PTPRN2: variants seen among roughly 807,000 people sequenced by gnomAD.
The protein encoded by PTPRN2 is receptor-type tyrosine-protein phosphatase N2.
Under a neutral mutation model 118.8 loss-of-function variants are expected in PTPRN2, and 74 were observed. The ratio of observed to expected loss-of-function variants is 0.62; its 90% CI spans 0.52 to 0.76. PTPRN2 has a LOEUF of 0.76. Among genes scored for constraint, PTPRN2 ranks in the 30% least tolerant of loss-of-function variants. PTPRN2 has a pLI of 0.00. For missense variants in PTPRN2, 1,481 were observed against 1,394.4 expected (o/e 1.06, Z -0.99); for synonymous variants, 641 against 608.0 (o/e 1.05, Z -0.80).
chr7:158,316,110 G>A (rs1802301900), intron 3 of PTPRN2, among the ~76,000 whole-genome samples: 1 of 152,228 alleles, frequency 6.6e-6, no homozygotes, highest in South Asian at 2.1e-4. Context: ...AGCCGCCGGG[G>A]GGCAGGTGGT....
At chr7:157,963,821 C>T (rs571526947) in intron 11 of PTPRN2, among the ~76,000 whole-genome samples, 7 of 152,322 alleles carry the variant, frequency 4.6e-5, no homozygotes, top group East Asian at 3.9e-4. Flanking sequence ...GTCCAATGGC[C>T]GGGGTTGCTA....
At chr7:158,007,303 G>A (rs950522661) in intron 11 of PTPRN2, among the ~76,000 whole-genome samples, 1 of 152,204 alleles carries the variant, frequency 6.6e-6, no homozygotes, top group African/African-American at 2.4e-5. Context: ...TGTGGCTGGT[G>A]CTGGGGGTGG....
intron 12 of PTPRN2, among the ~76,000 whole-genome samples, chr7:157,716,672 ACT>A (rs1485775135): frequency 3.1e-5 from 2 of 64,928 alleles, no homozygotes; most frequent in South Asian, 1.1e-3. Context: ...GGCCACGTAG[ACT>A]CTGCGGGAAC....
chr7:157,792,361 C>G (rs1029639007), intron 12 of PTPRN2, among the ~76,000 whole-genome samples: 1 of 152,244 alleles, frequency 6.6e-6, no homozygotes, highest in Non-Finnish European at 1.5e-5. Flanking sequence ...TTCAGCTCCC[C>G]GGGGCCACCT....
chr7:157,827,655 C>G (rs898707930), intron 12 of PTPRN2, among the ~76,000 whole-genome samples: 1 of 152,240 alleles, frequency 6.6e-6, no homozygotes, highest in Admixed American at 6.5e-5. Context: ...TTGGGGGAAC[C>G]CAGTGTGCTC....
chr7:158,136,488 T>G (rs1041461062), intron 8 of PTPRN2, among the ~76,000 whole-genome samples, 167 bp downstream of exon 8: 4 of 152,246 alleles, frequency 2.6e-5, no homozygotes, highest in Admixed American at 2.6e-4. Flanking sequence ...ATACACACTT[T>G]TGTATGTTCT....
chr7:157,954,744 G>C (rs4716513), intron 11 of PTPRN2, among the ~76,000 whole-genome samples: 127,855 of 152,156 alleles, frequency 0.84, 54,083 homozygotes, highest in Non-Finnish European at 0.88. Flanking sequence ...GGGTGGAAGT[G>C]GGGGTGGCCT....
chr7:158,466,761 C>T (rs1188211997), intron 2 of PTPRN2, among the ~76,000 whole-genome samples: 1 of 152,144 alleles, frequency 6.6e-6, no homozygotes, highest in Non-Finnish European at 1.5e-5. Flanking sequence ...TGCAAGTTGG[C>T]CAGGTGCAGT....
chr7:157,612,185 T>C (rs1280670998), intron 15 of PTPRN2, among the ~76,000 whole-genome samples: 1 of 152,182 alleles, frequency 6.6e-6, no homozygotes, highest in Non-Finnish European at 1.5e-5. Context: ...CCTGCAGTTG[T>C]GGAGTGTGGG....
rs144986263 is a variant in PTPRN2 at position 157,875,074 on chromosome 7, C to A, written c.1788+23599G>T. Among the ~76,000 whole-genome samples the A allele has an allele frequency of 4.6e-3, 702 of 152,234 alleles. 7 individuals are homozygous for A. The highest frequency in any genetic ancestry group is 0.016 in the African/African-American group (659 of 41,556). On this transcript the variant is annotated intron_variant, in intron 12 of 22. Transcript: ENST00000389418. ...ACACAGACACACACACACACACGCT[C>A]ACTCACAGGCAAACAGATGCCCTTG...
chr7:157,778,452 GGTGAA>G (rs1367417543), intron 12 of PTPRN2, among the ~76,000 whole-genome samples: 26 of 150,034 alleles, frequency 1.7e-4, no homozygotes, highest in African/African-American at 2.7e-4. Context: ...CATGTACACA[GGTGAA>G]TGAATACAGG....
In PTPRN2 at chr7:157,619,415, A is replaced by T. The variant is rs1803017189; in HGVS notation, c.2344+1947T>A. Reference sequence around the variant, plus strand: ...TCACTTGTCCTACCACACCGGCTTCACTCCCCGCCCTCTCCTCCCCCAGGC... The same window carrying T: ...TCACTTGTCCTACCACACCGGCTTCTCTCCCCGCCCTCTCCTCCCCCAGGC... On this transcript the variant is annotated intron_variant, in intron 15 of 22. Transcript: ENST00000389418. This position sits in a 1 kb window ranked among gnomAD's most constrained non-coding sequence, Gnocchi z 5.3. Among the ~76,000 whole-genome samples, 1 of 150,788 alleles carries T rather than the reference A, an allele frequency of 6.6e-6. No homozygotes were observed. Among genetic ancestry groups the T allele is most frequent in the African/African-American group, 2.4e-5 (1 of 40,924 alleles).
chr7:158,276,900 A>G lies in PTPRN2; in HGVS notation c.277+39919T>C, dbSNP rs538423217. On this transcript the variant is annotated intron_variant, in intron 3 of 22. Transcript: ENST00000389418. ...ACTGTGAGCTGGGGCCGAGGGGGCC[A>G]TATGCTCAGGTGCTGTCTATCAGCT... Among the ~76,000 whole-genome samples, 478 of 152,254 alleles carry G rather than the reference A, an allele frequency of 3.1e-3. 1 individual carries two copies. Among genetic ancestry groups the G allele is most frequent in the Non-Finnish European group, 5.8e-3 (396 of 68,018 alleles).
At chr7:158,470,931 T>G (rs890783015) in intron 2 of PTPRN2, among the ~76,000 whole-genome samples, 4 of 152,040 alleles carry the variant, frequency 2.6e-5, no homozygotes, top group African/African-American at 9.7e-5. Context: ...CCTCCAAGGT[T>G]CAAGCGATTC....
intron 5 of PTPRN2, among the ~76,000 whole-genome samples, chr7:158,182,599 T>C (rs538714977): frequency 8.7e-4 from 132 of 152,300 alleles, no homozygotes; most frequent in African/African-American, 2.9e-3. Context: ...CTGTGTTAGT[T>C]TGTTGAGGAT....
chr7:157,852,899 C>T (rs1043013746), intron 12 of PTPRN2, among the ~76,000 whole-genome samples: 2 of 150,326 alleles, frequency 1.3e-5, no homozygotes, highest in Non-Finnish European at 3.0e-5. Context: ...GCACAGTGGA[C>T]CCTGAAGCGC....
intron 11 of PTPRN2, among the ~76,000 whole-genome samples, chr7:157,923,149 C>A (rs2128771337): frequency 6.6e-6 from 1 of 152,362 alleles, no homozygotes; most frequent in South Asian, 2.1e-4. Context: ...TTTATCCCAA[C>A]ACCCTACACT....
At chr7:158,545,501 C>T (rs1826225902) in intron 1 of PTPRN2, among the ~76,000 whole-genome samples, 1 of 152,224 alleles carries the variant, frequency 6.6e-6, no homozygotes, top group Non-Finnish European at 1.5e-5. Context: ...CTTTTCCACC[C>T]TGAGCAGCCG....
chr7:157,562,954 G>C (rs1799276387), intron 21 of PTPRN2, among the ~76,000 whole-genome samples: 1 of 120,456 alleles, frequency 8.3e-6, no homozygotes, highest in Non-Finnish European at 1.7e-5. Flanking sequence ...CCACACAGCA[G>C]ATCAGGACCA....
Sources: gnomAD v4.1 joint callset for allele counts (sites outside exome capture counted in the v4.1 genomes callset) on GRCh38, gnomAD v4.1.1 for gene constraint, Gnocchi (gnomAD v3.1) non-coding constraint, MANE v1.5 for transcripts, NCBI Gene and HGNC (gene_info 2026-07-23, HGNC 2026-07-21) for gene names.